The following KPNB1 variants were observed in gnomAD, a reference collection of about 807,000 sequenced individuals.
KPNB1 encodes importin subunit beta-1.
A neutral mutation model predicts 113.0 loss-of-function variants in KPNB1; 7 were observed. The observed-to-expected ratio is 0.06, with a 90% CI of 0.04 to 0.12. The LOEUF (loss-of-function observed/expected upper bound fraction) is 0.12. Among genes scored for constraint, KPNB1 ranks in the 10% least tolerant of loss-of-function variants. The pLI is 1.00. For synonymous variants in KPNB1, 363 were observed against 378.6 expected (o/e 0.96, Z 0.48); for missense variants, 400 against 1,054.8 (o/e 0.38, Z 8.60).
intron 16 of KPNB1, 81 bp from the exon 17 acceptor site, chr17:47,676,939 C>A: frequency 9.5e-7 from 1 of 1,049,952 alleles, no homozygotes; most frequent in Non-Finnish European, 1.4e-6. Context: ...GTGATAAAAG[C>A]TCAGCAGCTA....
intron 18 of KPNB1, 35 bp downstream of exon 18, chr17:47,678,224 C>G: frequency 6.3e-7 from 1 of 1,576,894 alleles, no homozygotes; most frequent in Non-Finnish European, 8.7e-7. Context: ...TTCTTTAAGT[C>G]TAGCTCTAAT....
chr17:47,678,465 C>T, intron 19 of KPNB1, 52 bp downstream of exon 19: 1 of 1,257,060 alleles, frequency 8.0e-7, no homozygotes, highest in Non-Finnish European at 1.2e-6. Context: ...TGCACTTAGC[C>T]AAGTGGGCTA....
At chr17:47,670,448 G>T in intron 11 of KPNB1, 1 of 315,112 alleles carries the variant, frequency 3.2e-6, no homozygotes, top group Non-Finnish European at 5.9e-6. Flanking sequence ...GGAAACAGAA[G>T]AAATGGCAGG....
intron 12 of KPNB1, 109 bp downstream of exon 12, chr17:47,670,941 A>C (rs1300346714): frequency 1.0e-6 from 1 of 988,028 alleles, no homozygotes; most frequent in Non-Finnish European, 1.5e-6. Context: ...ACAGGACAAG[A>C]CTCTACCTTC....
chr17:47,663,295 T>C, intron 7 of KPNB1, 117 bp downstream of exon 7: 1 of 658,184 alleles, frequency 1.5e-6, no homozygotes, highest in South Asian at 1.6e-5. Flanking sequence ...TCAAGGAAAT[T>C]CCTCGAGACT....
intron 9 of KPNB1, among the ~76,000 whole-genome samples, chr17:47,665,717 A>T (rs1422050419): frequency 6.6e-6 from 1 of 152,210 alleles, no homozygotes; most frequent in African/African-American, 2.4e-5. Flanking sequence ...TTGGGGTCTA[A>T]TGAGTAAATA....
chr17:47,658,904 T>C (rs1445084673), intron 5 of KPNB1, among the ~76,000 whole-genome samples: 1 of 152,062 alleles, frequency 6.6e-6, no homozygotes, highest in Non-Finnish European at 1.5e-5. Context: ...CAGTCCAAAG[T>C]GTGGAATGTT....
At chr17:47,650,348 C>T (rs769544634) in intron 1 of KPNB1, 38 bp from the exon 2 acceptor site, 12 of 1,610,986 alleles carry the variant, frequency 7.4e-6, no homozygotes, top group East Asian at 2.2e-5. Context: ...GGCCCGGCCC[C>T]TCTGACCCCG....
intron 5 of KPNB1, 114 bp downstream of exon 5, chr17:47,658,774 A>G (rs149290602): frequency 8.2e-6 from 7 of 852,556 alleles, no homozygotes; most frequent in Non-Finnish European, 1.3e-5. Context: ...CACCTACTTA[A>G]AAGTATTTGT....
chr17:47,650,051 G>GT lies in KPNB1; in HGVS notation c.-193dup, dbSNP rs1219265867. On this transcript the variant is annotated 5_prime_UTR_variant, in exon 1 of 22. Transcript: ENST00000290158. ...CCAGCAGCCCATTTGGAGGGAGGAA[G>GT]TAAGGGAAGAGGAGAGGAAGGGGAG... 4 of 1,367,134 alleles carry GT rather than the reference G, an allele frequency of 2.9e-6. No homozygotes were observed. In the African/African-American group the frequency reaches 6.1e-5, roughly 21 times the overall value. 84.7% of individuals were successfully genotyped at this position (1,367,134 alleles called of 1,614,324 possible). A position where few individuals can be genotyped will look rare whatever the true frequency, so the allele number is the denominator to read the frequency against.
intron 14 of KPNB1, 69 bp downstream of exon 14, chr17:47,673,630 C>T (rs1276359540): frequency 5.9e-6 from 7 of 1,183,738 alleles, no homozygotes; most frequent in South Asian, 1.2e-5. Flanking sequence ...ATAACAAGTT[C>T]GTGTACACAC....
intron 3 of KPNB1, among the ~76,000 whole-genome samples, chr17:47,654,544 T>A (rs541397405): frequency 6.6e-6 from 1 of 152,326 alleles, no homozygotes; most frequent in Non-Finnish European, 1.5e-5. Flanking sequence ...ATACTAAGTT[T>A]CACTGTTGGT....
In KPNB1 at chr17:47,685,455, T is replaced by G. The variant is rs1286083329; in HGVS notation, c.*3051T>G. The G allele has an allele frequency of 6.6e-6, 1 of 151,640 alleles. No individual in the cohort carries two copies. Among genetic ancestry groups the G allele is most frequent in the Non-Finnish European group, 1.5e-5 (1 of 67,922 alleles). 9.4% of individuals were successfully genotyped at this position (151,640 alleles called of 1,614,324 possible). A position where few individuals can be genotyped will look rare whatever the true frequency, so the allele number is the denominator to read the frequency against. On this transcript the variant is annotated 3_prime_UTR_variant, in exon 22 of 22. Coordinates refer to ENST00000290158, the MANE Select transcript of KPNB1 (RefSeq NM_002265.6). ...GCCCAACTCGATTAACCAAAACCGATAACCACCACCTTTATCTTCTAAATA... is the reference window on the plus strand; with the variant it reads ...GCCCAACTCGATTAACCAAAACCGAGAACCACCACCTTTATCTTCTAAATA...
At chr17:47,669,633 A>T in intron 10 of KPNB1, 45 bp from the exon 11 acceptor site, 2 of 1,433,212 alleles carry the variant, frequency 1.4e-6, no homozygotes, top group Non-Finnish European at 1.9e-6. Context: ...GTTAACATGA[A>T]TTTTAATCTT....
At position 47,685,052 on chromosome 17, in the gene KPNB1, A is replaced by G. The variant is rs1389300984; in HGVS notation, c.*2648A>G. The G allele has an allele frequency of 6.6e-6, 1 of 152,178 alleles. No homozygotes were observed. Among genetic ancestry groups the G allele is most frequent in the Middle Eastern group, 3.2e-3 (1 of 316 alleles). 9.4% of individuals were successfully genotyped at this position (152,178 alleles called of 1,614,324 possible). A position where few individuals can be genotyped will look rare whatever the true frequency, so the allele number is the denominator to read the frequency against. On this transcript the variant is annotated 3_prime_UTR_variant, in exon 22 of 22. Transcript: ENST00000290158. ...CAAATGTGAAGATAATGGGCATCGGACTAGGCTTTGGTTTGCCACAAGTGG... is the reference window on the plus strand; with the variant it reads ...CAAATGTGAAGATAATGGGCATCGGGCTAGGCTTTGGTTTGCCACAAGTGG...
In KPNB1 at chr17:47,652,578, T is replaced by C. The variant is rs965052166; in HGVS notation, c.100-116T>C. ...CTGAAATGCTTATATCAAAAAAAAA[T>C]TAGACATTAGTTCCCCCCCTCGCCG... On this transcript the variant is annotated intron_variant, in intron 2 of 21. Coordinates refer to ENST00000290158, the MANE Select transcript of KPNB1 (RefSeq NM_002265.6). The C allele has an allele frequency of 3.3e-5, 22 of 666,208 alleles. No homozygotes were observed. The African/African-American group carries it at 3.9e-4, about 12-fold the overall frequency. The allele number at this position is 666,208 out of a possible 1,614,324, so 41.3% of individuals were successfully genotyped here.
intron 9 of KPNB1, among the ~76,000 whole-genome samples, chr17:47,667,947 G>A (rs1476011923): frequency 1.3e-5 from 2 of 152,150 alleles, no homozygotes; most frequent in Non-Finnish European, 2.9e-5. Context: ...CTTTTTGGAT[G>A]TAGTTGAAAT....
At chr17:47,681,031 A>G (rs2030755320) in intron 21 of KPNB1, among the ~76,000 whole-genome samples, 1 of 151,270 alleles carries the variant, frequency 6.6e-6, no homozygotes, top group African/African-American at 2.4e-5. Context: ...GCTCTAGAGA[A>G]GATTTCCAAA....
rs1412409908 is a variant in KPNB1 at position 47,680,005 on chromosome 17, C to G, written c.2354-15C>G. On this transcript the variant is annotated splice_polypyrimidine_tract_variant and intron_variant, in intron 19 of 21. Transcript: ENST00000290158. The stretch of plus-strand genomic sequence containing the variant: ...AGCCACCGCACCCGACCAATACCTT[C>G]TCTCTCTTTTATAGCGGATGTGATG... 1.9e-6 allele frequency: 3 copies of G among 1,576,462 alleles called. No homozygotes were observed. Among genetic ancestry groups the G allele is most frequent in the South Asian group, 1.1e-5 (1 of 90,358 alleles).
Sources: gnomAD v4.1 joint callset for allele counts (sites outside exome capture counted in the v4.1 genomes callset) on GRCh38, gnomAD v4.1.1 for gene constraint, MANE v1.5 for transcripts, NCBI Gene and HGNC (gene_info 2026-07-23, HGNC 2026-07-21) for gene names.